Variants in MICAL1 observed in about 807,000 individuals in gnomAD.
MICAL1 encodes [F-actin]-monooxygenase MICAL1.
A neutral mutation model predicts 131.8 loss-of-function variants in MICAL1; 95 were observed. The ratio of observed to expected loss-of-function variants is 0.72; its 90% CI spans 0.61 to 0.86. The LOEUF is 0.86. MICAL1 is among the 40% of genes least tolerant of loss of function. The pLI, the probability that MICAL1 is intolerant of heterozygous loss-of-function variation, is 0.00. For synonymous variants in MICAL1, 546 were observed against 554.2 expected (o/e 0.99, Z 0.21); for missense variants, 1,292 against 1,380.6 (o/e 0.94, Z 1.02).
chr6:109,451,556 C>T (rs112587986), intron 7 of MICAL1, 44 bp downstream of exon 7: 41 of 1,609,284 alleles, frequency 2.5e-5, no homozygotes, highest in African/African-American at 6.7e-5. Flanking sequence ...CTCTGCCTCC[C>T]GGGGCTCACC....
chr6:109,462,235 C>T (rs1449008027), intron 1 of MICAL1, among the ~76,000 whole-genome samples: 1 of 152,172 alleles, frequency 6.6e-6, no homozygotes. Context: ...GGGAAGACAA[C>T]TAGAAGGGAG....
At chr6:109,446,645 C>CCCTCTT in intron 18 of MICAL1, 51 bp downstream of exon 18, 1 of 1,581,338 alleles carries the variant, frequency 6.3e-7, no homozygotes. Flanking sequence ...TTTGACGAGA[C>CCCTCTT]CCTCTTCCTC....
At chr6:109,447,012 C>CT in intron 17 of MICAL1, 61 bp downstream of exon 17, 2 of 1,582,572 alleles carry the variant, frequency 1.3e-6, no homozygotes, top group Non-Finnish European at 8.6e-7. Flanking sequence ...ACCTCAAGCT[C>CT]TGTGTCCCCC....
intron 22 of MICAL1, 89 bp downstream of exon 22, chr6:109,445,108 G>T (rs1370104628): frequency 3.2e-6 from 5 of 1,573,738 alleles, no homozygotes; most frequent in Admixed American, 3.4e-5. Flanking sequence ...TGTTAGCTGT[G>T]TGGCATAGCC....
At chr6:109,448,039 A>C in intron 13 of MICAL1, 76 bp from the exon 14 acceptor site, 1 of 1,480,390 alleles carries the variant, frequency 6.8e-7, no homozygotes, top group Non-Finnish European at 9.1e-7. Flanking sequence ...GTCACTCTCC[A>C]ACCCAGAAGG....
At chr6:109,459,589 G>A (rs1265092955), upstream of MICAL1, among the ~76,000 whole-genome samples, 2 of 152,060 alleles carry the variant, frequency 1.3e-5, no homozygotes, top group African/African-American at 2.4e-5. Flanking sequence ...TCCTCTGTAT[G>A]CTGCTTTTTA....
At position 109,453,792 on chromosome 6, in the gene MICAL1, C is replaced by T. The variant is rs140568013; in HGVS notation, c.312G>A (p.Ala104=). Residue 104 remains alanine, a synonymous_variant, in exon 3 of 25, where the codon GCG becomes GCA. Coordinates refer to ENST00000358807, the MANE Select transcript of MICAL1 (RefSeq NM_022765.4). ...CCAGCACCACTCGGGCCCCCAGCAG[C>T]GCCAGCTCCACAGCGACCCGCAGCC... ...PCGLRVAVEL[A]LLGARVVLVE... The T allele has an allele frequency of 2.2e-5, 35 of 1,613,762 alleles. No homozygotes were observed. In the East Asian group the frequency reaches 4.0e-4, roughly 18 times the overall value.
upstream of MICAL1, among the ~76,000 whole-genome samples, chr6:109,457,267 T>C (rs1775776134): frequency 6.6e-6 from 1 of 152,194 alleles, no homozygotes; most frequent in Non-Finnish European, 1.5e-5. Context: ...GTTGGGCCCA[T>C]CCTAGCTTTT....
intron 7 of MICAL1, among the ~76,000 whole-genome samples, 195 bp downstream of exon 7, chr6:109,451,405 C>T (rs1024939925): frequency 2.0e-5 from 3 of 152,150 alleles, no homozygotes; most frequent in South Asian, 2.1e-4. Flanking sequence ...CCACCCACCT[C>T]GGCTTCCCAA....
chr6:109,463,765 T>C (rs1379391663), intron 1 of MICAL1: 1 of 152,236 alleles, frequency 6.6e-6, no homozygotes, highest in Non-Finnish European at 1.5e-5. Flanking sequence ...GTCTCACTAA[T>C]ATATTTTTAT....
rs766286759 is a variant in MICAL1, at chr6:109,447,232, G to A, written c.2071-3C>T. The A allele has an allele frequency of 6.2e-7, 1 of 1,614,006 alleles. No homozygotes were observed. The highest frequency in any genetic ancestry group is 8.5e-7 in the Non-Finnish European group (1 of 1,179,908). On this transcript the variant is annotated splice_region_variant and splice_polypyrimidine_tract_variant and intron_variant, in intron 16 of 24. Transcript: ENST00000358807. ...GCACACAGGTCCCCAGCACCGGCCT[G>A]CGTGGACCCCCAGGACACAGGGTCA...
intron 19 of MICAL1, 28 bp downstream of exon 19, chr6:109,446,108 G>C: frequency 6.5e-7 from 1 of 1,526,910 alleles, no homozygotes; most frequent in Non-Finnish European, 8.8e-7. Context: ...TCCCACCCTG[G>C]GTCAGCACAT....
In MICAL1 at chr6:109,444,868, G is replaced by C; in HGVS notation, c.2981+28C>G. 3 of 1,613,976 alleles carry C rather than the reference G, an allele frequency of 1.9e-6. No homozygotes were observed. The African/African-American group carries it at 4.0e-5, about 22-fold the overall frequency. ...CAAGGGGCTGGAGCCTGGCCCATGG[G>C]CCACTGTCACCATCCCCTTCCCCTT... is the stretch of plus-strand genomic sequence containing the variant. On this transcript the variant is annotated intron_variant, in intron 23 of 24. Transcript: ENST00000358807.
upstream of MICAL1, among the ~76,000 whole-genome samples, chr6:109,459,780 G>T (rs1562296482): frequency 1.3e-5 from 2 of 152,184 alleles, no homozygotes; most frequent in African/African-American, 4.8e-5. Context: ...AAGATTATAA[G>T]AAACATTTAT....
chr6:109,447,959 A>T lies in MICAL1; in HGVS notation c.1860T>A (p.Pro620=). The change falls in exon 14 of 25, where the codon CCT becomes CCA. Residue 620 remains proline (P), a synonymous_variant. Transcript: ENST00000358807. ...AFKSMAHSPG[P]VSQASPGTSS... is the part of the protein sequence containing the mutation. ...AGGTCCCTGGGGAGGCCTGGCTGAC[A>T]GGGCCTGCGGGGAGAGCCAGGGCAT... 1.2e-6 allele frequency: 2 copies of T among 1,607,674 alleles called. No individual in the cohort carries two copies. The highest frequency in any genetic ancestry group is 1.7e-6 in the Non-Finnish European group (2 of 1,176,750).
chr6:109,451,034 AACAG>A (rs1192476143), intron 7 of MICAL1, among the ~76,000 whole-genome samples: 10 of 152,180 alleles, frequency 6.6e-5, no homozygotes, highest in Admixed American at 3.3e-4. Flanking sequence ...AGCAGCAAGC[AACAG>A]ACAAAGAGAC....
In MICAL1 at chr6:109,451,583, C is replaced by T. The variant is rs1775544784; in HGVS notation, c.933+17G>A. On this transcript the variant is annotated intron_variant, in intron 7 of 24. Transcript: ENST00000358807. ...GGGCTCACCACCCAGCCTCTCCTGG[C>T]CAGGACTGGGCCTCACCTGGCGCAG... 1.2e-6 allele frequency: 2 copies of T among 1,613,040 alleles called. No homozygotes were observed. Among genetic ancestry groups the T allele is most frequent in the Admixed American group, 3.3e-5 (2 of 59,998 alleles).
At chr6:109,447,778 A>C (rs1318240291) in intron 14 of MICAL1, 56 bp from the exon 15 acceptor site, 16 of 1,612,972 alleles carry the variant, frequency 9.9e-6, no homozygotes, top group African/African-American at 1.3e-5. Context: ...AGTCCTCCCC[A>C]CTTTCTGAAT....
At chr6:109,465,736 C>T (rs1188122298) in exon 1 of MICAL1, 5 of 1,610,874 alleles carry the variant, frequency 3.1e-6, no homozygotes, top group Non-Finnish European at 4.2e-6. Context: ...CATCACAGCT[C>T]TCACAGAAGC....
Sources: gnomAD v4.1 joint callset for allele counts (sites outside exome capture counted in the v4.1 genomes callset) on GRCh38, gnomAD v4.1.1 for gene constraint, MANE v1.5 for transcripts, NCBI Gene and HGNC (gene_info 2026-07-23, HGNC 2026-07-21) for gene names.